CDH13: variants seen among roughly 807,000 people sequenced by gnomAD.
CDH13 encodes the protein cadherin 13, also known as cadherin-13.
A neutral mutation model predicts 63.8 loss-of-function variants in CDH13; 24 were observed. The ratio of observed to expected loss-of-function variants is 0.38; its 90% CI spans 0.27 to 0.53. The LOEUF is 0.53. Among genes scored for constraint, CDH13 ranks in the 20% least tolerant of loss-of-function variants. The probability of loss-of-function intolerance (pLI) is 0.85; values close to 1 mark genes in which losing one functional copy is unlikely to be tolerated. For synonymous variants in CDH13, 503 were observed against 355.3 expected (o/e 1.42, Z -4.67); for missense variants, 1,049 against 903.1 (o/e 1.16, Z -2.07).
chr16:83,675,085 T>C (rs1178865686), intron 9 of CDH13, among the ~76,000 whole-genome samples: 1 of 152,216 alleles, frequency 6.6e-6, no homozygotes, highest in African/African-American at 2.4e-5. Context: ...GAAAAAATAT[T>C]AATTGAATTG....
intron 4 of CDH13, among the ~76,000 whole-genome samples, chr16:83,151,478 C>A (rs1366960891): frequency 6.6e-6 from 1 of 152,114 alleles, no homozygotes; most frequent in African/African-American, 2.4e-5. Flanking sequence ...TTGGCTAGAC[C>A]TGGAAACTAG....
At chr16:83,567,968 A>G (rs943217527) in intron 7 of CDH13, among the ~76,000 whole-genome samples, 4 of 152,210 alleles carry the variant, frequency 2.6e-5, no homozygotes, top group Admixed American at 2.6e-4. Flanking sequence ...CGCATTCTGC[A>G]GAGTGCTGCC....
intron 2 of CDH13, among the ~76,000 whole-genome samples, chr16:82,979,197 G>A (rs1033948384): frequency 3.3e-5 from 5 of 152,248 alleles, no homozygotes; most frequent in African/African-American, 9.6e-5. Context: ...TGTCTGGGAA[G>A]TATCTAACTG....
chr16:83,425,881 A>G (rs2071879338), intron 6 of CDH13, among the ~76,000 whole-genome samples: 1 of 152,004 alleles, frequency 6.6e-6, no homozygotes, highest in Non-Finnish European at 1.5e-5. Flanking sequence ...TGTGCCCAGC[A>G]CTGTTCTAGG....
rs182367647 is a variant in CDH13 at position 83,038,909 on chromosome 16, C to T, written c.366+6691C>T. The stretch of plus-strand genomic sequence containing the variant: ...GGCAAGTAATTCTGACATCAGTTAA[C>T]GAACTTGATGAAGTCAGGTTGGGAA... On this transcript the variant is annotated intron_variant, in intron 3 of 13. Coordinates refer to ENST00000567109, the MANE Select transcript of CDH13 (RefSeq NM_001257.5). 2.0e-3 allele frequency among the ~76,000 whole-genome samples: 312 copies of T among 152,254 alleles called. 1 individual carries two copies. The highest frequency in any genetic ancestry group is 0.017 in the Middle Eastern group (5 of 294).
chr16:83,191,458 AATATAT>A lies in CDH13; in HGVS notation c.484-25862_484-25857del, dbSNP rs57044100. Among the ~76,000 whole-genome samples the A allele has an allele frequency of 2.6e-3, 210 of 80,578 alleles. 2 individuals are homozygous for A. Among genetic ancestry groups the A allele is most frequent in the African/African-American group, 8.0e-3 (176 of 21,914 alleles). 52.9% of individuals were successfully genotyped at this position (80,578 alleles called of 152,430 possible). A position where few individuals can be genotyped will look rare whatever the true frequency, so the allele number is the denominator to read the frequency against. ...CTTTAGAAGGACAGAACTAATAGGA[AATATAT>A]ATATATATATATATATATATATATG... On this transcript the variant is annotated intron_variant, in intron 4 of 13. Transcript: ENST00000567109.
At chr16:83,053,277 G>A (rs969439379) in intron 3 of CDH13, among the ~76,000 whole-genome samples, 1 of 152,112 alleles carries the variant, frequency 6.6e-6, no homozygotes, top group African/African-American at 2.4e-5. Flanking sequence ...AGTTAAAAAG[G>A]TATCATAACC....
chr16:82,771,428 A>G (rs139744741), intron 1 of CDH13, among the ~76,000 whole-genome samples: 30 of 152,292 alleles, frequency 2.0e-4, no homozygotes, highest in African/African-American at 6.5e-4. Context: ...GTAAGGGTCT[A>G]GGTAGAGGCT....
Position 83,602,515 on chromosome 16 carries a change from T to A in CDH13, c.1022T>A (p.Val341Asp). 1 of 1,613,844 alleles carries A rather than the reference T, an allele frequency of 6.2e-7. No homozygotes were observed. ...IEAQDMAGLD[V>D]GLTGTATATI... ...GCTCAAGATATGGCTGGACTGGATG[T>A]TGGATTAACAGGCACGGCCACAGCC... is the stretch of plus-strand genomic sequence containing the variant. Residue 341 changes from valine (V) to aspartate (D), a missense_variant, in exon 8 of 14, where the codon GTT becomes GAT. Coordinates refer to ENST00000567109, the MANE Select transcript of CDH13 (RefSeq NM_001257.5).
At chr16:83,150,998 T>A (rs1266601182) in intron 4 of CDH13, among the ~76,000 whole-genome samples, 2 of 152,196 alleles carry the variant, frequency 1.3e-5, no homozygotes, top group African/African-American at 4.8e-5. Context: ...CATATATTAT[T>A]CATCTTTATG....
chr16:83,067,690 A>G (rs1049521814), intron 3 of CDH13, among the ~76,000 whole-genome samples: 2 of 152,318 alleles, frequency 1.3e-5, no homozygotes, highest in East Asian at 3.9e-4. Context: ...CTGAATAACA[A>G]AAGTAGGTTA....
At position 83,125,417 on chromosome 16, in the gene CDH13, C is replaced by G. The variant is rs770305970; in HGVS notation, c.399C>G (p.Val133=). The G allele has an allele frequency of 3.2e-5, 52 of 1,608,506 alleles. No individual in the cohort carries two copies. The highest frequency in any genetic ancestry group is 4.0e-5 in the Non-Finnish European group (47 of 1,175,204). ...TTAAATTTGCAAGAACTTCTCCTGT[C>G]CCAAGACAAAAGAGGTCCATTGTGG... ...DIFKFARTSP[V]PRQKRSIVVS... Residue 133 remains valine, a synonymous_variant, in exon 4 of 14, where the codon GTC becomes GTG. Coordinates refer to ENST00000567109, the MANE Select transcript of CDH13 (RefSeq NM_001257.5).
At chr16:83,538,102 A>C (rs572709374) in intron 7 of CDH13, among the ~76,000 whole-genome samples, 1 of 152,214 alleles carries the variant, frequency 6.6e-6, no homozygotes. Context: ...CACTTGAAGC[A>C]ATCTTAAATT....
Position 82,863,089 on chromosome 16 carries a change from T to C in CDH13, c.157+4616T>C, listed in dbSNP as rs112717091. Among the ~76,000 whole-genome samples the C allele has an allele frequency of 6.7e-3, 1,024 of 152,262 alleles. 11 individuals carry two copies. The highest frequency in any genetic ancestry group is 0.022 in the African/African-American group (915 of 41,540). ...GCAAACGTAGAAGAACACATGGGTA[T>C]CGATGCAGGATCACAGTCTCTACAA... is the stretch of plus-strand genomic sequence containing the variant. On this transcript the variant is annotated intron_variant, in intron 2 of 13. Coordinates refer to ENST00000567109, the MANE Select transcript of CDH13 (RefSeq NM_001257.5).
intron 1 of CDH13, among the ~76,000 whole-genome samples, chr16:82,839,807 T>C (rs1361724668): frequency 6.6e-6 from 1 of 152,206 alleles, no homozygotes; most frequent in Non-Finnish European, 1.5e-5. Context: ...TACTGCATAA[T>C]TTTTGAAGAT....
intron 8 of CDH13, among the ~76,000 whole-genome samples, chr16:83,660,078 C>T (rs999122176): frequency 5.9e-5 from 9 of 152,138 alleles, no homozygotes; most frequent in South Asian, 2.1e-4. Flanking sequence ...GAAGCCACCA[C>T]GCCCAGCCAA....
chr16:82,822,380 TTGTG>T (rs1436696529), intron 1 of CDH13, among the ~76,000 whole-genome samples: 1 of 152,150 alleles, frequency 6.6e-6, no homozygotes, highest in African/African-American at 2.4e-5. Flanking sequence ...ATGGAGAAAA[TTGTG>T]TGTTATATTA....
At chr16:83,316,230 C>A (rs892532750) in intron 5 of CDH13, among the ~76,000 whole-genome samples, 2 of 152,182 alleles carry the variant, frequency 1.3e-5, no homozygotes, top group African/African-American at 4.8e-5. Flanking sequence ...TCCCCAAACA[C>A]GTGGGGATTA....
chr16:83,495,874 C>T (rs1401867581), intron 7 of CDH13, among the ~76,000 whole-genome samples: 1 of 152,104 alleles, frequency 6.6e-6, no homozygotes, highest in African/African-American at 2.4e-5. Flanking sequence ...AACAGACAAA[C>T]AGAGAGCCAA....
Sources: allele counts gnomAD v4.1 joint callset (sites outside exome capture counted in the v4.1 genomes callset), GRCh38; gene constraint gnomAD v4.1.1; transcripts MANE v1.5; gene names NCBI Gene and HGNC (gene_info 2026-07-23, HGNC 2026-07-21).